Variants in STXBP5 observed in about 807,000 individuals in gnomAD.
STXBP5 encodes the protein syntaxin binding protein 5.
STXBP5 carries 50 observed loss-of-function variants against 152.4 expected under a neutral mutation model. The observed-to-expected ratio is 0.33, with a 90% CI of 0.26 to 0.42. STXBP5 has a LOEUF of 0.42. Ranked by LOEUF, STXBP5 falls within the 10% of genes least tolerant of loss-of-function variation. The pLI is 1.00. For synonymous variants in STXBP5, 492 were observed against 494.7 expected (o/e 0.99, Z 0.07); for missense variants, 1,167 against 1,388.6 (o/e 0.84, Z 2.54).
chr6:147,360,640 A>G (rs903317365), intron 23 of STXBP5, among the ~76,000 whole-genome samples: 1 of 152,126 alleles, frequency 6.6e-6, no homozygotes, highest in Non-Finnish European at 1.5e-5. Context: ...ACACATGGTT[A>G]TTTTTCATCT....
At chr6:147,227,315 G>A (rs1030770496) in intron 2 of STXBP5, among the ~76,000 whole-genome samples, 1 of 152,170 alleles carries the variant, frequency 6.6e-6, no homozygotes, top group African/African-American at 2.4e-5. Context: ...TAAAGATTAA[G>A]TAGTATAGTG....
chr6:147,265,086 T>C (rs1253992437), intron 6 of STXBP5, among the ~76,000 whole-genome samples: 1 of 152,104 alleles, frequency 6.6e-6, no homozygotes, highest in African/African-American at 2.4e-5. Flanking sequence ...TCTTTCCTTA[T>C]TCTCAAATGC....
chr6:147,323,109 C>T lies in STXBP5; in HGVS notation c.1803-1850C>T, dbSNP rs549156343. On this transcript the variant is annotated intron_variant, in intron 16 of 27. Transcript: ENST00000321680. ...ACATTCACTGTTTCTTCTTTTCTTC[C>T]TCTACCCTACCTCTACTCAACCTCC... Among the ~76,000 whole-genome samples the T allele has an allele frequency of 4.6e-5, 7 of 151,846 alleles. No individual in the cohort carries two copies. The South Asian group carries it at 1.5e-3, about 32-fold the overall frequency.
At chr6:147,215,129 T>C (rs1777094677) in intron 2 of STXBP5, among the ~76,000 whole-genome samples, 2 of 152,194 alleles carry the variant, frequency 1.3e-5, no homozygotes, top group African/African-American at 4.8e-5. Flanking sequence ...AAACAATATC[T>C]AATGAATAAG....
Position 147,311,477 on chromosome 6 carries a change from G to T in STXBP5, c.1095G>T (p.Val365=). Residue 365 remains valine, a synonymous_variant, in exon 11 of 28, where the codon GTG becomes GTT. Coordinates refer to ENST00000321680, the MANE Select transcript of STXBP5 (RefSeq NM_001127715.4). The part of the protein sequence containing the change: ...YPNDFQEPYA[V]VVLLEKDLVL... ...CAGATTTTCAAGAACCATATGCTGT[G>T]GTTGTTCTTCTAGAAAAGGATTTAG... The T allele has an allele frequency of 6.2e-7, 1 of 1,612,074 alleles. No individual in the cohort carries two copies. Among genetic ancestry groups the T allele is most frequent in the South Asian group, 1.1e-5 (1 of 90,814 alleles).
intron 9 of STXBP5, among the ~76,000 whole-genome samples, chr6:147,300,758 G>T (rs977873657): frequency 6.6e-6 from 1 of 151,792 alleles, no homozygotes; most frequent in South Asian, 2.1e-4. Flanking sequence ...GATTTTTTTG[G>T]ATAGAACCTC....
intron 4 of STXBP5, among the ~76,000 whole-genome samples, chr6:147,256,637 T>A (rs1779380777): frequency 6.6e-6 from 1 of 152,168 alleles, no homozygotes; most frequent in Non-Finnish European, 1.5e-5. Flanking sequence ...AGATAACTCT[T>A]GTGGCAGTTT....
At chr6:147,261,724 A>G (rs1387635371) in intron 5 of STXBP5, among the ~76,000 whole-genome samples, 1 of 151,956 alleles carries the variant, frequency 6.6e-6, no homozygotes, top group Non-Finnish European at 1.5e-5. Context: ...GTATAGTTTC[A>G]CAGATGGCTC....
At chr6:147,346,871 G>C (rs929824576) in intron 21 of STXBP5, among the ~76,000 whole-genome samples, 1 of 152,148 alleles carries the variant, frequency 6.6e-6, no homozygotes, top group African/African-American at 2.4e-5. Flanking sequence ...TGAACAGCAG[G>C]CTTTCCAGGA....
rs1343171262 is a variant in STXBP5, at chr6:147,385,575, C to T, written c.*820C>T. On this transcript the variant is annotated 3_prime_UTR_variant, in exon 28 of 28. Transcript: ENST00000321680. ...AGGAGAATACTTCAATGTCCCTTGTCCTTGTTCTCATTAATTCAGCTAAAG... is the reference window on the plus strand; with the variant it reads ...AGGAGAATACTTCAATGTCCCTTGTTCTTGTTCTCATTAATTCAGCTAAAG... 6.6e-6 allele frequency: 1 copy of T among 151,962 alleles called. No individual in the cohort carries two copies. Among genetic ancestry groups the T allele is most frequent in the East Asian group, 1.9e-4 (1 of 5,168 alleles). The allele number at this position is 151,962 out of a possible 1,614,324, so 9.4% of individuals were successfully genotyped here.
At chr6:147,254,086 CA>C (rs1250245311) in intron 4 of STXBP5, among the ~76,000 whole-genome samples, 1 of 152,070 alleles carries the variant, frequency 6.6e-6, no homozygotes, top group African/African-American at 2.4e-5. Flanking sequence ...GTACTGGTAC[CA>C]AAACAGATAC....
intron 9 of STXBP5, among the ~76,000 whole-genome samples, chr6:147,304,367 A>C (rs979679715): frequency 9.9e-5 from 15 of 152,172 alleles, no homozygotes; most frequent in Admixed American, 8.5e-4. Context: ...CAAATACTCA[A>C]AAGTCGAGAA....
intron 16 of STXBP5, among the ~76,000 whole-genome samples, chr6:147,317,906 A>G (rs1440409678): frequency 6.6e-6 from 1 of 152,074 alleles, no homozygotes; most frequent in East Asian, 1.9e-4. Context: ...GTTACATTTA[A>G]TTTTTATGAC....
intron 21 of STXBP5, among the ~76,000 whole-genome samples, chr6:147,345,732 A>G (rs937804214): frequency 2.0e-5 from 3 of 152,196 alleles, no homozygotes; most frequent in Non-Finnish European, 2.9e-5. Context: ...TTGTTTAGAA[A>G]AAAGATGTGG....
intron 7 of STXBP5, among the ~76,000 whole-genome samples, chr6:147,271,661 C>T (rs1780176381): frequency 6.6e-6 from 1 of 152,074 alleles, no homozygotes; most frequent in African/African-American, 2.4e-5. Flanking sequence ...GCATTAAATG[C>T]TTTGTATTAG....
intron 21 of STXBP5, among the ~76,000 whole-genome samples, chr6:147,352,059 C>A (rs930206925): frequency 6.6e-6 from 1 of 152,174 alleles, no homozygotes; most frequent in African/African-American, 2.4e-5. Context: ...AACTTTAAAT[C>A]ACTTTCTAGA....
chr6:147,313,670 T>C (rs542215425), intron 11 of STXBP5, among the ~76,000 whole-genome samples: 12 of 152,304 alleles, frequency 7.9e-5, no homozygotes, highest in African/African-American at 2.9e-4. Flanking sequence ...GTGTATGGCA[T>C]ATGGCATGTA....
intron 12 of STXBP5, 54 bp downstream of exon 12, chr6:147,314,085 T>A: frequency 6.6e-7 from 1 of 1,519,098 alleles, no homozygotes; most frequent in African/African-American, 1.4e-5. Context: ...TATTCTATAT[T>A]TATCACCTTG....
At chr6:147,376,685 C>T (rs1397707113) in intron 26 of STXBP5, among the ~76,000 whole-genome samples, 2 of 151,908 alleles carry the variant, frequency 1.3e-5, no homozygotes, top group South Asian at 2.1e-4. Context: ...GTAGTATGCA[C>T]CTGTAGACCC....
Sources: allele counts gnomAD v4.1 joint callset (sites outside exome capture counted in the v4.1 genomes callset), GRCh38; gene constraint gnomAD v4.1.1; transcripts MANE v1.5; gene names NCBI Gene and HGNC (gene_info 2026-07-23, HGNC 2026-07-21).